ATAD2: variants seen among roughly 807,000 people sequenced by gnomAD.
The protein encoded by ATAD2 is ATPase family AAA domain containing 2.
In ATAD2, 62 loss-of-function variants were observed where a neutral mutation model predicts 168.9. The observed-to-expected ratio is 0.37, with a 90% CI of 0.30 to 0.45. ATAD2 has a LOEUF of 0.45. Ranked by LOEUF, ATAD2 falls within the 20% of genes least tolerant of loss-of-function variation. The pLI, the probability that ATAD2 is intolerant of heterozygous loss-of-function variation, is 1.00. For missense variants in ATAD2, 1,419 were observed against 1,667.8 expected, an observed-to-expected ratio of 0.85 and a Z score of 2.60; for synonymous variants, 613 against 571.6, an observed-to-expected ratio of 1.07 and a Z score of -1.03.
At chr8:123,340,841 A>G (rs968616277) in intron 19 of ATAD2, among the ~76,000 whole-genome samples, 1 of 152,208 alleles carries the variant, frequency 6.6e-6, no homozygotes, top group Non-Finnish European at 1.5e-5. Flanking sequence ...TCTGCTTGGG[A>G]TAACAAGAAA....
chr8:123,346,479 T>G lies in ATAD2; in HGVS notation c.2345+139A>C, dbSNP rs180780442. ...CTGTAATTTCTACTGTTGTGACAACTGTAACAACAAAAAATTTCTGGTAGT... is the reference window on the plus strand; with the variant it reads ...CTGTAATTTCTACTGTTGTGACAACGGTAACAACAAAAAATTTCTGGTAGT... On this transcript the variant is annotated intron_variant, in intron 17 of 27. Coordinates refer to ENST00000287394, the MANE Select transcript of ATAD2 (RefSeq NM_014109.4). 3.6e-5 allele frequency: 38 copies of G among 1,043,894 alleles called. No homozygotes were observed. In the African/African-American group the frequency reaches 5.8e-4, roughly 16 times the overall value. The allele number at this position is 1,043,894 out of a possible 1,614,324, so 64.7% of individuals were successfully genotyped here.
chr8:123,355,262 A>G (rs1339372352), intron 13 of ATAD2, among the ~76,000 whole-genome samples: 3 of 152,192 alleles, frequency 2.0e-5, no homozygotes, highest in Non-Finnish European at 4.4e-5. Context: ...CCACCTATCA[A>G]TCACACACTA....
At chr8:123,401,976 T>C in intron 1 of ATAD2, 1 of 1,022,422 alleles carries the variant, frequency 9.8e-7, no homozygotes. Context: ...TGCCAGGATA[T>C]CAGGGCCCGC....
At chr8:123,388,997 C>T (rs1298413654) in intron 1 of ATAD2, among the ~76,000 whole-genome samples, 2 of 149,836 alleles carry the variant, frequency 1.3e-5, no homozygotes, top group Non-Finnish European at 3.0e-5. Context: ...CACAGAGTCT[C>T]GCCCTGTCGC....
At chr8:123,332,623 T>A (rs1195511751) in intron 24 of ATAD2, among the ~76,000 whole-genome samples, 1 of 152,238 alleles carries the variant, frequency 6.6e-6, no homozygotes, top group Admixed American at 6.5e-5. Context: ...GGATTCTCAC[T>A]GTATAATAAT....
At position 123,346,963 on chromosome 8, in the gene ATAD2, A is replaced by G. The variant is rs1463657019; in HGVS notation, c.2212+129T>C. On this transcript the variant is annotated intron_variant, in intron 16 of 27. Coordinates refer to ENST00000287394, the MANE Select transcript of ATAD2 (RefSeq NM_014109.4). ...TCCATGGAGTAAATTTCCTTCAAATATCCCAGGTAAAGCATTACCAAATTC... is the reference window on the plus strand; with the variant it reads ...TCCATGGAGTAAATTTCCTTCAAATGTCCCAGGTAAAGCATTACCAAATTC... 6 of 1,169,546 alleles carry G rather than the reference A, an allele frequency of 5.1e-6. No homozygotes were observed. In the Admixed American group the frequency reaches 9.1e-5, roughly 18 times the overall value. 72.4% of individuals were successfully genotyped at this position (1,169,546 alleles called of 1,614,324 possible). A position where few individuals can be genotyped will look rare whatever the true frequency, so the allele number is the denominator to read the frequency against.
chr8:123,380,222 T>C (rs1292143974), intron 2 of ATAD2, among the ~76,000 whole-genome samples: 1 of 151,878 alleles, frequency 6.6e-6, no homozygotes, highest in Non-Finnish European at 1.5e-5. Context: ...CGGCTAATTA[T>C]TTGTATTTTT....
chr8:123,401,506 A>C, intron 1 of ATAD2: 1 of 1,568,340 alleles, frequency 6.4e-7, no homozygotes, highest in East Asian at 2.3e-5. Context: ...CAGGCCAAGA[A>C]CCTGATTGAT....
chr8:123,333,999 G>T lies in ATAD2; in HGVS notation c.3357C>A (p.Ala1119=). ...TTGGCATCACATGGTAGTAAGACGG[G>T]GCATATTTGGAGGAGCTACAACCTT... ...KKRGCSSSKY[A]PSYYHVMPKQ... Residue 1119 remains alanine, a synonymous_variant, in exon 24 of 28, where the codon GCC becomes GCA. Coordinates refer to ENST00000287394, the MANE Select transcript of ATAD2 (RefSeq NM_014109.4). 1 of 1,613,844 alleles carries T rather than the reference G, an allele frequency of 6.2e-7. No homozygotes were observed. Among genetic ancestry groups the T allele is most frequent in the Non-Finnish European group, 8.5e-7 (1 of 1,179,890 alleles).
chr8:123,353,732 G>C (rs1457152317), intron 13 of ATAD2, among the ~76,000 whole-genome samples: 1 of 152,090 alleles, frequency 6.6e-6, no homozygotes, highest in Non-Finnish European at 1.5e-5. Context: ...TTCTAGGCCT[G>C]TTTAAAGTGT....
intron 19 of ATAD2, among the ~76,000 whole-genome samples, chr8:123,339,723 A>G (rs1478485079): frequency 6.6e-6 from 1 of 152,164 alleles, no homozygotes; most frequent in Non-Finnish European, 1.5e-5. Context: ...TTATACACAT[A>G]TTTTTAATGA....
chr8:123,406,808 C>T (rs111352913), intron 1 of ATAD2, among the ~76,000 whole-genome samples: 1 of 100,436 alleles, frequency 1.0e-5, no homozygotes, highest in Non-Finnish European at 2.0e-5. Flanking sequence ...TAGAGTGAGA[C>T]CCTGTCTCAA....
intron 2 of ATAD2, among the ~76,000 whole-genome samples, chr8:123,375,521 C>G (rs1482546395): frequency 6.6e-6 from 1 of 152,102 alleles, no homozygotes; most frequent in Non-Finnish European, 1.5e-5. Context: ...AGGTGTATAC[C>G]CAAAAGAACT....
intron 2 of ATAD2, among the ~76,000 whole-genome samples, chr8:123,377,909 G>A (rs1586895959): frequency 6.6e-6 from 1 of 152,260 alleles, no homozygotes; most frequent in African/African-American, 2.4e-5. Flanking sequence ...AAACACAAAT[G>A]TATGGCCTCA....
At chr8:123,375,434 T>C (rs758492797) in intron 2 of ATAD2, among the ~76,000 whole-genome samples, 4 of 152,172 alleles carry the variant, frequency 2.6e-5, no homozygotes, top group Admixed American at 1.3e-4. Flanking sequence ...GAATGTAAAA[T>C]GCTGTAAATG....
intron 1 of ATAD2, among the ~76,000 whole-genome samples, chr8:123,395,206 A>G (rs1394006390): frequency 5.9e-5 from 9 of 152,152 alleles, no homozygotes; most frequent in Middle Eastern, 3.4e-3. Flanking sequence ...GTCCAGCTAT[A>G]TATTACTTGC....
intron 20 of ATAD2, among the ~76,000 whole-genome samples, chr8:123,338,653 G>C (rs1332302863): frequency 1.3e-5 from 2 of 152,174 alleles, no homozygotes; most frequent in Non-Finnish European, 2.9e-5. Flanking sequence ...TTAAAAGTAT[G>C]ATGGGTCATA....
At position 123,333,884 on chromosome 8, in the gene ATAD2, T is replaced by G. The variant is rs374675251; in HGVS notation, c.3472A>C (p.Thr1158Pro). 31 of 1,611,342 alleles carry G rather than the reference T, an allele frequency of 1.9e-5. No individual in the cohort carries two copies. Among genetic ancestry groups the G allele is most frequent in the Non-Finnish European group, 2.5e-5 (30 of 1,178,436 alleles). ...AAACTACTTGAGTACTTACCAGGAG[T>G]GCTGCAAGCCACAGGAGTACTCGGT... The part of the protein sequence containing the change: ...KTPSTPVACS[T>P]PAQLKRKIRK... The change falls in exon 24 of 28, where the codon ACT (threonine) becomes CCT (proline). Residue 1158 changes from threonine to proline, a missense_variant. This residue lies in a region of ATAD2 where 303 missense variants were observed against 304.3 expected (regional missense o/e 1.00). Coordinates refer to ENST00000287394, the MANE Select transcript of ATAD2 (RefSeq NM_014109.4).
chr8:123,349,571 A>G (rs1828380285), intron 13 of ATAD2, 127 bp from the exon 14 acceptor site: 3 of 813,522 alleles, frequency 3.7e-6, no homozygotes, highest in Non-Finnish European at 5.6e-6. Context: ...GCACCTCACT[A>G]TTTCCAATGG....
Sources: allele counts gnomAD v4.1 joint callset (sites outside exome capture counted in the v4.1 genomes callset), GRCh38; gene constraint gnomAD v4.1.1; regional missense constraint gnomAD v4.1.1; transcripts MANE v1.5; gene names NCBI Gene and HGNC (gene_info 2026-07-23, HGNC 2026-07-21).